NRG3: variants seen among roughly 807,000 people sequenced by gnomAD.
The protein encoded by NRG3 is neuregulin 3, also known as pro-neuregulin-3, membrane-bound isoform.
A neutral mutation model predicts 66.9 loss-of-function variants in NRG3; 31 were observed. The observed-to-expected ratio is 0.46, with a 90% CI of 0.35 to 0.63. The LOEUF is 0.63. Ranked by LOEUF, NRG3 falls within the 20% of genes least tolerant of loss-of-function variation. The pLI, the probability that NRG3 is intolerant of heterozygous loss-of-function variation, is 0.00. For synonymous variants in NRG3, 393 were observed against 359.4 expected (o/e 1.09, Z -1.06); for missense variants, 910 against 878.9 (o/e 1.04, Z -0.45).
chr10:82,050,686 TGACA>T (rs1564771420), intron 1 of NRG3, among the ~76,000 whole-genome samples: 3 of 149,926 alleles, frequency 2.0e-5, no homozygotes, highest in East Asian at 2.0e-4. Flanking sequence ...TGGAAAGTGG[TGACA>T]GACAGTGTCA....
At chr10:82,756,586 T>C (rs1259986855) in intron 3 of NRG3, among the ~76,000 whole-genome samples, 1 of 152,116 alleles carries the variant, frequency 6.6e-6, no homozygotes, top group Admixed American at 6.6e-5. Flanking sequence ...AAATTCTTCT[T>C]TTCAGAGTGG....
At chr10:82,829,819 T>C (rs1172887327) in intron 3 of NRG3, among the ~76,000 whole-genome samples, 1 of 152,150 alleles carries the variant, frequency 6.6e-6, no homozygotes, top group Non-Finnish European at 1.5e-5. Context: ...TAATAAATTA[T>C]CCCAATCTCA....
rs973058657 is a variant in NRG3 at position 82,951,533 on chromosome 10, C to T, written c.1119C>T (p.Ile373=). ...CATGTATCATCTTTGGAATTGTCAT[C>T]GTGGGCATGTTCTGTGCAGCATTCT... ...SISCIIFGIV[I]VGMFCAAFYF... is the part of the protein sequence containing the mutation. Residue 373 remains isoleucine, a synonymous_variant, in exon 5 of 9, where the codon ATC becomes ATT. Transcript: ENST00000372141. 3.1e-6 allele frequency: 5 copies of T among 1,613,896 alleles called. No individual in the cohort carries two copies. Among genetic ancestry groups the T allele is most frequent in the Non-Finnish European group, 2.5e-6 (3 of 1,179,822 alleles).
chr10:82,071,029 C>T (rs764027300), intron 1 of NRG3, among the ~76,000 whole-genome samples: 7 of 152,038 alleles, frequency 4.6e-5, no homozygotes, highest in African/African-American at 1.4e-4. Flanking sequence ...ATGTAATGTC[C>T]ACCAATAGAG....
intron 8 of NRG3, among the ~76,000 whole-genome samples, chr10:82,979,530 C>T (rs1045330398): frequency 4.6e-5 from 7 of 152,136 alleles, no homozygotes; most frequent in East Asian, 1.9e-4. Flanking sequence ...TCATGGCATA[C>T]GTACAGTATC....
At chr10:82,491,462 A>T (rs1013852016) in intron 2 of NRG3, among the ~76,000 whole-genome samples, 6 of 151,528 alleles carry the variant, frequency 4.0e-5, no homozygotes, top group Non-Finnish European at 7.4e-5. Context: ...TTGAGCACTT[A>T]AAACAGTGCC....
chr10:82,699,739 C>A (rs892175870), intron 2 of NRG3, among the ~76,000 whole-genome samples: 7 of 152,076 alleles, frequency 4.6e-5, no homozygotes, highest in African/African-American at 1.7e-4. Flanking sequence ...CTCTCCCACC[C>A]CTATGGTCCA....
At chr10:82,531,132 T>C (rs1441505751) in intron 2 of NRG3, among the ~76,000 whole-genome samples, 1 of 151,646 alleles carries the variant, frequency 6.6e-6, no homozygotes, top group Admixed American at 6.6e-5. Context: ...AAGTATTTTC[T>C]CAATTAAAGA....
intron 2 of NRG3, among the ~76,000 whole-genome samples, chr10:82,469,926 T>C (rs1434577138): frequency 6.6e-6 from 1 of 152,216 alleles, no homozygotes; most frequent in African/African-American, 2.4e-5. Context: ...ATGTGCATGC[T>C]AAGAAACGCA....
chr10:82,580,506 G>T (rs545001538), intron 2 of NRG3, among the ~76,000 whole-genome samples: 1 of 151,782 alleles, frequency 6.6e-6, no homozygotes, highest in African/African-American at 2.4e-5. Context: ...GTATAACACA[G>T]AATACTCACA....
chr10:82,746,906 T>C (rs1032206289), intron 3 of NRG3, among the ~76,000 whole-genome samples: 2 of 152,000 alleles, frequency 1.3e-5, no homozygotes, highest in African/African-American at 4.8e-5. Flanking sequence ...TAGGAAGACC[T>C]TGTTTCTAGA....
intron 2 of NRG3, among the ~76,000 whole-genome samples, chr10:82,697,569 A>G (rs1250604132): frequency 6.6e-6 from 1 of 152,184 alleles, no homozygotes; most frequent in Admixed American, 6.6e-5. Context: ...ATGTCAGTAG[A>G]TTGTCTAAAA....
intron 1 of NRG3, among the ~76,000 whole-genome samples, chr10:82,136,823 T>C (rs781213340): frequency 6.6e-6 from 1 of 152,154 alleles, no homozygotes; most frequent in Non-Finnish European, 1.5e-5. Context: ...AATTCTGCCA[T>C]GTTGCTTTCC....
chr10:82,016,168 C>A (rs533239891), intron 1 of NRG3, among the ~76,000 whole-genome samples: 54 of 151,882 alleles, frequency 3.6e-4, no homozygotes, highest in African/African-American at 1.3e-3. Context: ...GCTTAGGGAC[C>A]AGTGTGAAAA....
chr10:82,288,013 A>T (rs1463885864), intron 1 of NRG3, among the ~76,000 whole-genome samples: 1 of 152,158 alleles, frequency 6.6e-6, no homozygotes, highest in Non-Finnish European at 1.5e-5. Flanking sequence ...ATTTTAGTAA[A>T]TTTCTGTGGA....
chr10:82,054,889 A>G (rs2063760482), intron 1 of NRG3, among the ~76,000 whole-genome samples: 1 of 152,008 alleles, frequency 6.6e-6, no homozygotes, highest in African/African-American at 2.4e-5. Context: ...AGTCCCAGCT[A>G]CTAAGGAGGC....
At chr10:81,922,493 G>C (rs1210925478) in intron 1 of NRG3, among the ~76,000 whole-genome samples, 1 of 152,120 alleles carries the variant, frequency 6.6e-6, no homozygotes, top group East Asian at 1.9e-4. Flanking sequence ...CCTACTTATA[G>C]TGTGAACATG....
intron 1 of NRG3, among the ~76,000 whole-genome samples, chr10:82,125,753 C>T (rs774640141): frequency 6.6e-6 from 1 of 151,960 alleles, no homozygotes; most frequent in Non-Finnish European, 1.5e-5. Context: ...GTTCCCCTTC[C>T]AATGTCCCCG....
At chr10:82,678,075 C>A (rs1009544959) in intron 2 of NRG3, among the ~76,000 whole-genome samples, 1 of 152,156 alleles carries the variant, frequency 6.6e-6, no homozygotes, top group African/African-American at 2.4e-5. Context: ...CGCCATTTTG[C>A]CTCTTAGTGC....
Sources: gnomAD v4.1 joint callset for allele counts (sites outside exome capture counted in the v4.1 genomes callset) on GRCh38, gnomAD v4.1.1 for gene constraint, MANE v1.5 for transcripts, NCBI Gene and HGNC (gene_info 2026-07-23, HGNC 2026-07-21) for gene names.